STX8: variants seen among roughly 807,000 people sequenced by gnomAD.
The protein encoded by STX8 is syntaxin-8.
STX8 carries 23 observed loss-of-function variants against 37.5 expected under a neutral mutation model. The ratio of observed to expected loss-of-function variants is 0.61; its 90% CI spans 0.44 to 0.87. STX8 has a LOEUF of 0.87. Ranked by LOEUF, STX8 falls within the 40% of genes least tolerant of loss-of-function variation. STX8 has a pLI of 0.00. For missense variants in STX8, 313 were observed against 284.7 expected, an observed-to-expected ratio of 1.10 and a Z score of -0.71; for synonymous variants, 115 against 99.1, an observed-to-expected ratio of 1.16 and a Z score of -0.95.
At chr17:9,368,100 G>C (rs533315530) in intron 7 of STX8, among the ~76,000 whole-genome samples, 124 of 152,136 alleles carry the variant, frequency 8.2e-4, no homozygotes, top group African/African-American at 2.8e-3. Context: ...AAGATGACTG[G>C]GAGTAATAAA....
At chr17:9,324,585 A>C (rs929943191) in intron 7 of STX8, among the ~76,000 whole-genome samples, 2 of 152,008 alleles carry the variant, frequency 1.3e-5, no homozygotes, top group African/African-American at 2.4e-5. Flanking sequence ...CAACATGGTG[A>C]AACCCTGTCT....
chr17:9,344,305 G>A (rs1483256352), intron 7 of STX8, among the ~76,000 whole-genome samples: 1 of 149,878 alleles, frequency 6.7e-6, no homozygotes, highest in African/African-American at 2.5e-5. Context: ...CTGTTGCCCA[G>A]GCTGTCATGC....
Position 9,308,721 on chromosome 17 carries a change from CAAAAAA to C in STX8, c.644-58082_644-58077del, listed in dbSNP as rs1171647976. 2.1e-4 allele frequency among the ~76,000 whole-genome samples: 15 copies of C among 71,388 alleles called. No homozygotes were observed. In the South Asian group the frequency reaches 2.2e-3, roughly 11 times the overall value. 46.8% of individuals were successfully genotyped at this position (71,388 alleles called of 152,430 possible). ...CTGGAGGACAACAGTGAAACTCCGT[CAAAAAA>C]AAAAAAAAAAAAAAAAAGGAATTCT... On this transcript the variant is annotated intron_variant, in intron 7 of 7. Transcript: ENST00000306357.
intron 7 of STX8, among the ~76,000 whole-genome samples, chr17:9,349,316 C>CTTTTTTTTTT (rs61627405): frequency 9.1e-6 from 1 of 109,796 alleles, no homozygotes; most frequent in Non-Finnish European, 1.8e-5. Flanking sequence ...ATTTTCTTTT[C>CTTTTTTTTTT]TTTTTTTTTT....
At chr17:9,556,640 C>G (rs1228876697) in intron 3 of STX8, among the ~76,000 whole-genome samples, 4 of 151,178 alleles carry the variant, frequency 2.6e-5, no homozygotes, top group Non-Finnish European at 5.9e-5. Context: ...TGGGGTTTCA[C>G]CATGTTGACC....
At chr17:9,368,593 G>A (rs539006032) in intron 7 of STX8, among the ~76,000 whole-genome samples, 2 of 152,168 alleles carry the variant, frequency 1.3e-5, no homozygotes, top group East Asian at 3.9e-4. Flanking sequence ...TGGTGACCAC[G>A]TGCCCCTCCA....
At chr17:9,468,861 C>A (rs1338844163) in intron 6 of STX8, among the ~76,000 whole-genome samples, 1 of 152,170 alleles carries the variant, frequency 6.6e-6, no homozygotes, top group Non-Finnish European at 1.5e-5. Context: ...CAAAGCCAGC[C>A]GCTCCCTCTG....
chr17:9,373,181 G>A (rs1438716329), intron 7 of STX8, among the ~76,000 whole-genome samples: 1 of 151,560 alleles, frequency 6.6e-6, no homozygotes, highest in African/African-American at 2.4e-5. Flanking sequence ...GAGTTTAGAG[G>A]CTGAAAGCAA....
At chr17:9,450,597 C>T (rs567586554) in intron 6 of STX8, among the ~76,000 whole-genome samples, 1 of 151,912 alleles carries the variant, frequency 6.6e-6, no homozygotes, top group South Asian at 2.1e-4. Flanking sequence ...CTGACTTCCT[C>T]TAATTTTTAC....
chr17:9,375,053 G>A (rs1421322039), intron 7 of STX8, among the ~76,000 whole-genome samples: 2 of 117,786 alleles, frequency 1.7e-5, no homozygotes, highest in Non-Finnish European at 3.3e-5. Flanking sequence ...GACAGAGTGA[G>A]ACTCTGTCTC....
intron 6 of STX8, among the ~76,000 whole-genome samples, chr17:9,448,191 T>G (rs911111203): frequency 3.2e-5 from 4 of 125,390 alleles, no homozygotes; most frequent in Non-Finnish European, 5.2e-5. Flanking sequence ...AAAAAAAAAG[T>G]TTGATCCTCA....
In STX8 at chr17:9,442,551, C is replaced by T. The variant is rs1030269525; in HGVS notation, c.541+49278G>A. On this transcript the variant is annotated intron_variant, in intron 6 of 7. Coordinates refer to ENST00000306357, the MANE Select transcript of STX8 (RefSeq NM_004853.3). ...CCTCTCAAGTAGCTGGGATTATAGG[C>T]ATGTGCCACCACGCCTGGCTAATTT... Among the ~76,000 whole-genome samples the T allele has an allele frequency of 2.6e-5, 4 of 152,250 alleles. 1 individual carries two copies. The East Asian group carries it at 7.7e-4, about 29-fold the overall frequency.
intron 4 of STX8, among the ~76,000 whole-genome samples, chr17:9,535,473 C>A (rs548371220): frequency 5.4e-5 from 5 of 92,328 alleles, no homozygotes; most frequent in Non-Finnish European, 1.0e-4. Flanking sequence ...TGCTCTGTCA[C>A]CCAGGCTGGA....
intron 3 of STX8, among the ~76,000 whole-genome samples, chr17:9,551,971 A>T (rs1287695140): frequency 1.3e-5 from 2 of 152,190 alleles, no homozygotes; most frequent in Admixed American, 1.3e-4. Context: ...AAAAAGAAAC[A>T]AAACTATCTA....
intron 4 of STX8, among the ~76,000 whole-genome samples, chr17:9,509,906 A>C (rs1904969237): frequency 6.6e-6 from 1 of 152,086 alleles, no homozygotes; most frequent in South Asian, 2.1e-4. Flanking sequence ...ACCTACAGAC[A>C]CACATAGACT....
chr17:9,532,900 A>G (rs143007038), intron 4 of STX8, among the ~76,000 whole-genome samples: 13 of 152,332 alleles, frequency 8.5e-5, no homozygotes, highest in African/African-American at 2.9e-4. Flanking sequence ...GTGAAGCAAA[A>G]AAAAGATGAT....
At chr17:9,408,797 C>T (rs902065542) in intron 6 of STX8, among the ~76,000 whole-genome samples, 1 of 152,140 alleles carries the variant, frequency 6.6e-6, no homozygotes, top group Non-Finnish European at 1.5e-5. Context: ...AGCCATTACA[C>T]CTGTGATTAA....
chr17:9,498,358 C>G (rs569051903), intron 5 of STX8, among the ~76,000 whole-genome samples: 1 of 150,648 alleles, frequency 6.6e-6, no homozygotes, highest in South Asian at 2.1e-4. Flanking sequence ...CCACTGCACT[C>G]CAGCCTGGGT....
intron 7 of STX8, among the ~76,000 whole-genome samples, chr17:9,339,070 C>CAAAAAAAAAAAAAAAAAAAAAAAA (rs34987749): frequency 1.9e-4 from 13 of 70,016 alleles, no homozygotes; most frequent in African/African-American, 7.1e-4. Flanking sequence ...GACTCCGTCT[C>CAAAAAAAAAAAAAAAAAAAAAAAA]AAAAAAAAAA....
Sources: gnomAD v4.1 joint callset for allele counts (sites outside exome capture counted in the v4.1 genomes callset) on GRCh38, gnomAD v4.1.1 for gene constraint, MANE v1.5 for transcripts, NCBI Gene and HGNC (gene_info 2026-07-23, HGNC 2026-07-21) for gene names.